Variants in SRBD1 observed in about 807,000 individuals in gnomAD.
SRBD1 encodes the protein S1 RNA-binding domain-containing protein 1.
In SRBD1, 88 loss-of-function variants were observed where a neutral mutation model predicts 115.3. The observed-to-expected ratio is 0.76, with a 90% CI of 0.64 to 0.91. The LOEUF is 0.91. Ranked by LOEUF, SRBD1 falls within the 40% of genes least tolerant of loss-of-function variation. SRBD1 has a pLI of 0.00. For synonymous variants in SRBD1, 509 were observed against 407.7 expected, an observed-to-expected ratio of 1.25 and a Z score of -2.99; for missense variants, 1,385 against 1,177.4, an observed-to-expected ratio of 1.18 and a Z score of -2.58.
At chr2:45,556,818 T>C (rs1323438113) in intron 10 of SRBD1, among the ~76,000 whole-genome samples, 2 of 152,114 alleles carry the variant, frequency 1.3e-5, no homozygotes, top group African/African-American at 4.8e-5. Context: ...TATTTCTTCA[T>C]CAGTAAAATG....
intron 12 of SRBD1, among the ~76,000 whole-genome samples, chr2:45,550,820 TA>T (rs1452942178): frequency 6.6e-6 from 1 of 152,190 alleles, no homozygotes; most frequent in Non-Finnish European, 1.5e-5. Flanking sequence ...GCATCATATA[TA>T]AATGCATCAC....
At chr2:45,443,659 C>G (rs1162382265) in intron 16 of SRBD1, among the ~76,000 whole-genome samples, 1 of 151,962 alleles carries the variant, frequency 6.6e-6, no homozygotes, top group East Asian at 1.9e-4. Flanking sequence ...AAAACTTTGG[C>G]AGACAGGCAG....
intron 14 of SRBD1, among the ~76,000 whole-genome samples, chr2:45,500,804 T>C (rs147030813): frequency 6.6e-6 from 1 of 152,310 alleles, no homozygotes; most frequent in African/African-American, 2.4e-5. Context: ...GTGGAGTCTT[T>C]AGGTTTTGAA....
At chr2:45,457,922 T>G (rs1254380831) in intron 16 of SRBD1, among the ~76,000 whole-genome samples, 3 of 152,066 alleles carry the variant, frequency 2.0e-5, no homozygotes, top group African/African-American at 7.2e-5. Flanking sequence ...CAAAATATGC[T>G]TTTCAAAATT....
chr2:45,415,675 A>AC (rs1667801381), intron 18 of SRBD1, among the ~76,000 whole-genome samples: 1 of 38,896 alleles, frequency 2.6e-5, no homozygotes, highest in Admixed American at 2.7e-4. Context: ...AGGGGAGGGG[A>AC]GGGGAGGGGA....
chr2:45,608,506 C>G (rs992153334), intron 1 of SRBD1, among the ~76,000 whole-genome samples: 1 of 152,160 alleles, frequency 6.6e-6, no homozygotes, highest in African/African-American at 2.4e-5. Context: ...CCACTACTCC[C>G]ATATCCTCTT....
At chr2:45,428,577 AATAAATAC>A (rs1553329849) in intron 16 of SRBD1, among the ~76,000 whole-genome samples, 1 of 125,834 alleles carries the variant, frequency 7.9e-6, no homozygotes, top group South Asian at 2.4e-4. Context: ...TAAATAAATA[AATAAATAC>A]ATAAATAAAT....
At chr2:45,451,615 A>C (rs1182358994) in intron 16 of SRBD1, among the ~76,000 whole-genome samples, 2 of 152,112 alleles carry the variant, frequency 1.3e-5, no homozygotes, top group East Asian at 3.9e-4. Context: ...AAAAAGATTA[A>C]TCAGAAAATA....
chr2:45,586,011 C>T (rs935397309), intron 4 of SRBD1, among the ~76,000 whole-genome samples: 1 of 152,120 alleles, frequency 6.6e-6, no homozygotes, highest in Admixed American at 6.5e-5. Context: ...CATTCAAATT[C>T]CAGTGTTCAA....
intron 16 of SRBD1, among the ~76,000 whole-genome samples, chr2:45,457,327 G>A (rs184704979): frequency 6.6e-6 from 1 of 151,858 alleles, no homozygotes; most frequent in Admixed American, 6.6e-5. Flanking sequence ...TTTTTCCCTT[G>A]ACACCCAACT....
At chr2:45,462,812 C>T (rs749734017) in intron 16 of SRBD1, among the ~76,000 whole-genome samples, 4 of 151,648 alleles carry the variant, frequency 2.6e-5, no homozygotes, top group Admixed American at 2.0e-4. Flanking sequence ...GGCAACAGAG[C>T]GAGACTGCAT....
At chr2:45,508,496 T>C (rs1437472322) in intron 14 of SRBD1, among the ~76,000 whole-genome samples, 3 of 152,226 alleles carry the variant, frequency 2.0e-5, no homozygotes, top group Non-Finnish European at 4.4e-5. Context: ...GTCTTTTATA[T>C]GACAGGACTC....
intron 11 of SRBD1, among the ~76,000 whole-genome samples, chr2:45,552,850 C>T (rs1201476580): frequency 6.6e-6 from 1 of 152,094 alleles, no homozygotes; most frequent in Admixed American, 6.6e-5. Flanking sequence ...CATCTTAATT[C>T]AATGGTCAAG....
chr2:45,550,767 T>C (rs1240267381), intron 12 of SRBD1, among the ~76,000 whole-genome samples: 3 of 152,110 alleles, frequency 2.0e-5, no homozygotes. Context: ...AGCAAAACAA[T>C]AAAAATGTCT....
At chr2:45,402,005 A>G (rs978528648) in intron 19 of SRBD1, among the ~76,000 whole-genome samples, 2 of 152,280 alleles carry the variant, frequency 1.3e-5, no homozygotes, top group African/African-American at 4.8e-5. Flanking sequence ...TTGAACAGGA[A>G]TGGGAAAGAG....
intron 18 of SRBD1, among the ~76,000 whole-genome samples, chr2:45,416,992 TGG>T (rs1238958970): frequency 6.6e-6 from 1 of 152,234 alleles, no homozygotes; most frequent in Non-Finnish European, 1.5e-5. Context: ...TTAGCCAGGC[TGG>T]TCACAAACTC....
intron 4 of SRBD1, among the ~76,000 whole-genome samples, chr2:45,588,937 A>G (rs1437176346): frequency 6.6e-6 from 1 of 152,196 alleles, no homozygotes. Flanking sequence ...AATCAAAAGC[A>G]TTCTAATCAA....
chr2:45,592,055 A>T (rs934135065), intron 4 of SRBD1, among the ~76,000 whole-genome samples: 1 of 152,116 alleles, frequency 6.6e-6, no homozygotes, highest in Non-Finnish European at 1.5e-5. Flanking sequence ...TGCGATAGTG[A>T]ATAAGTCTCA....
Position 45,445,550 on chromosome 2 carries a change from T to TAAAAAAAAAAAAAA in SRBD1, c.2050-25670_2050-25657dup, listed in dbSNP as rs59451865. ...CACAGAAGCAATATCTTCCCAGAGG[T>TAAAAAAAAAAAAAA]AAAAAAAAAAAAAAAAAAAAAAAAA... On this transcript the variant is annotated intron_variant, in intron 16 of 20. Transcript: ENST00000263736. 5.7e-4 allele frequency among the ~76,000 whole-genome samples: 21 copies of TAAAAAAAAAAAAAA among 37,046 alleles called. 1 individual carries two copies. Among genetic ancestry groups the TAAAAAAAAAAAAAA allele is most frequent in the East Asian group, 1.0e-3 (1 of 992 alleles). 24.3% of individuals were successfully genotyped at this position (37,046 alleles called of 152,430 possible).
Sources: gnomAD v4.1 joint callset for allele counts (sites outside exome capture counted in the v4.1 genomes callset) on GRCh38, gnomAD v4.1.1 for gene constraint, MANE v1.5 for transcripts, NCBI Gene and HGNC (gene_info 2026-07-23, HGNC 2026-07-21) for gene names.